Variants in PCSK6 observed in about 807,000 individuals in gnomAD.
PCSK6 encodes paired basic amino acid cleaving enzyme 4.
A neutral mutation model predicts 123.3 loss-of-function variants in PCSK6; 85 were observed. That is an observed-to-expected ratio of 0.69 (90% CI 0.58 to 0.83). PCSK6 has a LOEUF of 0.83. PCSK6 is among the 40% of genes least tolerant of loss of function. The pLI is 0.00. For missense variants in PCSK6, 1,191 were observed against 1,282.3 expected (o/e 0.93, Z 1.09); for synonymous variants, 508 against 516.0 (o/e 0.98, Z 0.21).
intron 13 of PCSK6, among the ~76,000 whole-genome samples, chr15:101,356,208 C>A (rs568769384): frequency 6.6e-6 from 1 of 152,338 alleles, no homozygotes; most frequent in East Asian, 1.9e-4. Flanking sequence ...TCTGCCTGCA[C>A]CGTTGCCAGC....
chr15:101,460,140 C>G (rs1280528515), intron 1 of PCSK6, among the ~76,000 whole-genome samples: 1 of 152,056 alleles, frequency 6.6e-6, no homozygotes, highest in Non-Finnish European at 1.5e-5. Flanking sequence ...CCCAGGAAGA[C>G]CCCCCACGAT....
chr15:101,306,239 C>G (rs2039719898), intron 21 of PCSK6, among the ~76,000 whole-genome samples: 1 of 152,114 alleles, frequency 6.6e-6, no homozygotes, highest in African/African-American at 2.4e-5. Flanking sequence ...CTGGGAGGCC[C>G]TCCAGTGGCA....
chr15:101,472,342 G>A (rs910551647), intron 1 of PCSK6, among the ~76,000 whole-genome samples: 2 of 152,282 alleles, frequency 1.3e-5, no homozygotes, highest in African/African-American at 4.8e-5. Context: ...AACGGGTTGG[G>A]CAGCATGGCT....
intron 5 of PCSK6, 54 bp downstream of exon 5, chr15:101,429,933 G>C: frequency 7.0e-7 from 1 of 1,429,360 alleles, no homozygotes; most frequent in Non-Finnish European, 9.9e-7. Flanking sequence ...ACATTCAATA[G>C]TGACGCTGCA....
At chr15:101,407,317 C>A (rs545518718) in intron 6 of PCSK6, among the ~76,000 whole-genome samples, 1 of 152,204 alleles carries the variant, frequency 6.6e-6, no homozygotes, top group Non-Finnish European at 1.5e-5. Context: ...CCTGGTACTG[C>A]GTCTGGGATA....
intron 9 of PCSK6, among the ~76,000 whole-genome samples, chr15:101,386,053 T>G (rs934559476): frequency 1.3e-5 from 2 of 151,736 alleles, no homozygotes; most frequent in Admixed American, 1.3e-4. Flanking sequence ...CCAGGGCTCG[T>G]TGGGATGCAG....
rs185753213 is a variant in PCSK6, at chr15:101,312,913, G to A, written c.2699+463C>T. 12 of 420,914 alleles carry A rather than the reference G, an allele frequency of 2.9e-5. No individual in the cohort carries two copies. The East Asian group carries it at 1.4e-3, about 49-fold the overall frequency. 26.1% of individuals were successfully genotyped at this position (420,914 alleles called of 1,614,324 possible). ...CCAGCTACTCGGGAGGCTGAGGCATGAGAGTTGCTTGAATCCCAGAGGCAG... is the reference window on the plus strand; with the variant it reads ...CCAGCTACTCGGGAGGCTGAGGCATAAGAGTTGCTTGAATCCCAGAGGCAG... On this transcript the variant is annotated intron_variant, in intron 20 of 21. Transcript: ENST00000611716.
intron 1 of PCSK6, among the ~76,000 whole-genome samples, chr15:101,488,776 G>A (rs2141287995): frequency 6.6e-6 from 1 of 151,418 alleles, no homozygotes; most frequent in Non-Finnish European, 1.5e-5. Flanking sequence ...CGGCGGCCGG[G>A]CTCCAGGGTG....
chr15:101,326,520 T>C (rs2040257261), intron 15 of PCSK6, 41 bp from the exon 16 acceptor site: 6 of 1,516,272 alleles, frequency 4.0e-6, no homozygotes, highest in Non-Finnish European at 5.4e-6. Context: ...GAGAGACGCC[T>C]TCTCCATCTA....
chr15:101,360,615 G>A (rs112995574), intron 13 of PCSK6, among the ~76,000 whole-genome samples: 103 of 93,358 alleles, frequency 1.1e-3, no homozygotes, highest in African/African-American at 5.4e-3. Flanking sequence ...AACACACCAG[G>A]CACACTCCTG....
At chr15:101,363,284 G>C (rs1238695525) in intron 13 of PCSK6, among the ~76,000 whole-genome samples, 1 of 152,210 alleles carries the variant, frequency 6.6e-6, no homozygotes, top group Non-Finnish European at 1.5e-5. Context: ...TCATGATACA[G>C]AGTAAAGATC....
intron 1 of PCSK6, among the ~76,000 whole-genome samples, chr15:101,469,879 G>A (rs968625025): frequency 6.6e-6 from 1 of 152,220 alleles, no homozygotes; most frequent in African/African-American, 2.4e-5. Flanking sequence ...TTTAAAAATA[G>A]TGCTTTCCTA....
At chr15:101,391,542 GCTTT>G (rs1567184999) in intron 8 of PCSK6, among the ~76,000 whole-genome samples, 1 of 152,218 alleles carries the variant, frequency 6.6e-6, no homozygotes, top group Non-Finnish European at 1.5e-5. Flanking sequence ...GGTGAGAGAT[GCTTT>G]CTTTAGGTTT....
intron 20 of PCSK6, among the ~76,000 whole-genome samples, chr15:101,311,684 C>T (rs71409328): frequency 4.3e-4 from 32 of 74,102 alleles, no homozygotes; most frequent in African/African-American, 8.2e-4. Context: ...ACCCCATCGT[C>T]ACCCCTCACA....
intron 13 of PCSK6, among the ~76,000 whole-genome samples, chr15:101,346,217 A>G (rs1034688007): frequency 3.9e-5 from 6 of 152,240 alleles, no homozygotes; most frequent in African/African-American, 1.4e-4. Flanking sequence ...GAATAATCCC[A>G]AAGAAATAAT....
intron 6 of PCSK6, among the ~76,000 whole-genome samples, chr15:101,409,704 A>C (rs1469531919): frequency 6.6e-6 from 1 of 152,104 alleles, no homozygotes; most frequent in African/African-American, 2.4e-5. Flanking sequence ...GGAACTTGCT[A>C]AAGGGTAGAA....
intron 1 of PCSK6, among the ~76,000 whole-genome samples, chr15:101,471,862 C>G (rs2057612774): frequency 6.6e-6 from 1 of 152,142 alleles, no homozygotes; most frequent in African/African-American, 2.4e-5. Context: ...GTCAGGCACC[C>G]TCATGTAAGG....
chr15:101,315,344 C>T (rs2039964412), intron 19 of PCSK6, among the ~76,000 whole-genome samples: 1 of 152,198 alleles, frequency 6.6e-6, no homozygotes, highest in Non-Finnish European at 1.5e-5. Flanking sequence ...CCTATTTTCT[C>T]AACTACTAAA....
intron 6 of PCSK6, among the ~76,000 whole-genome samples, chr15:101,403,572 G>A (rs180847581): frequency 1.2e-4 from 19 of 152,008 alleles, no homozygotes; most frequent in Middle Eastern, 3.4e-3. Flanking sequence ...ATAAAAAAAC[G>A]GATACCCATG....
Sources: gnomAD v4.1 joint callset for allele counts (sites outside exome capture counted in the v4.1 genomes callset) on GRCh38, gnomAD v4.1.1 for gene constraint, MANE v1.5 for transcripts, NCBI Gene and HGNC (gene_info 2026-07-23, HGNC 2026-07-21) for gene names.